DOCK2: variants seen among roughly 807,000 people sequenced by gnomAD.
DOCK2 encodes the protein dedicator of cytokinesis protein 2.
In DOCK2, 87 loss-of-function variants were observed where a neutral mutation model predicts 248.9. The observed-to-expected ratio is 0.35, with a 90% CI of 0.29 to 0.42. The LOEUF (loss-of-function observed/expected upper bound fraction) is 0.42. DOCK2 is among the 10% of genes least tolerant of loss of function. The pLI is 1.00. For synonymous variants in DOCK2, 805 were observed against 821.6 expected, an observed-to-expected ratio of 0.98 and a Z score of 0.35; for missense variants, 1,747 against 2,300.2, an observed-to-expected ratio of 0.76 and a Z score of 4.92.
chr5:169,717,311 A>G (rs1421188901), intron 20 of DOCK2, 73 bp from the exon 21 acceptor site: 1 of 1,250,924 alleles, frequency 8.0e-7, no homozygotes, highest in Non-Finnish European at 1.2e-6. Context: ...ATGGGGGTTG[A>G]ATTATGCCAG....
At chr5:169,872,606 G>C (rs1772053482) in intron 27 of DOCK2, among the ~76,000 whole-genome samples, 1 of 152,186 alleles carries the variant, frequency 6.6e-6, no homozygotes, top group South Asian at 2.1e-4. Context: ...TCTGCTGATA[G>C]CTATATCTGA....
chr5:170,021,278 G>A (rs1755716472), intron 33 of DOCK2, among the ~76,000 whole-genome samples: 2 of 152,184 alleles, frequency 1.3e-5, no homozygotes, highest in East Asian at 1.9e-4. Context: ...TTAAGTGGGA[G>A]CAAGGTCTGT....
intron 22 of DOCK2, among the ~76,000 whole-genome samples, chr5:169,719,800 T>C (rs575663718): frequency 6.6e-6 from 1 of 152,198 alleles, no homozygotes; most frequent in Non-Finnish European, 1.5e-5. Context: ...GTTGTGGTCA[T>C]GTGTGCATTA....
chr5:169,933,256 C>T (rs1264211491), intron 27 of DOCK2, among the ~76,000 whole-genome samples: 1 of 152,246 alleles, frequency 6.6e-6, no homozygotes, highest in East Asian at 1.9e-4. Flanking sequence ...ACTTGGAGTG[C>T]ATCAGGTTAG....
chr5:169,807,805 G>T (rs1178048366), intron 26 of DOCK2, among the ~76,000 whole-genome samples: 1 of 112,242 alleles, frequency 8.9e-6, no homozygotes, highest in Non-Finnish European at 1.7e-5. Flanking sequence ...CTGCAATCCA[G>T]CCTGGGAGAC....
At chr5:169,846,645 C>CATATATACACACACATATAT in intron 27 of DOCK2, among the ~76,000 whole-genome samples, 1 of 151,288 alleles carries the variant, frequency 6.6e-6, no homozygotes, top group Non-Finnish European at 1.5e-5. Flanking sequence ...CATATATGTA[C>CATATATACACACACATATAT]ATATATACAC....
chr5:169,716,026 C>T (rs1398692280), intron 19 of DOCK2, among the ~76,000 whole-genome samples, 187 bp from the exon 20 acceptor site: 3 of 152,206 alleles, frequency 2.0e-5, no homozygotes, highest in African/African-American at 7.2e-5. Context: ...ATCCATTCTG[C>T]TGTTGATGGG....
At chr5:170,000,996 A>AG (rs965478472) in intron 30 of DOCK2, among the ~76,000 whole-genome samples, 1 of 152,156 alleles carries the variant, frequency 6.6e-6, no homozygotes, top group Non-Finnish European at 1.5e-5. Flanking sequence ...GCGCCACCAC[A>AG]GGGGGACTCA....
At chr5:169,948,077 A>G (rs969048434) in intron 27 of DOCK2, among the ~76,000 whole-genome samples, 6 of 152,060 alleles carry the variant, frequency 3.9e-5, no homozygotes, top group Non-Finnish European at 8.8e-5. Context: ...AGGCACCGAG[A>G]GAAGAGCCAG....
rs537177070 is a variant in DOCK2 at position 169,981,508 on chromosome 5, A to G, written c.2800-1560A>G. 9.9e-5 allele frequency among the ~76,000 whole-genome samples: 15 copies of G among 152,166 alleles called. No individual in the cohort carries two copies. In the South Asian group the frequency reaches 2.3e-3, roughly 23 times the overall value. On this transcript the variant is annotated intron_variant, in intron 27 of 51. Transcript: ENST00000520908. ...TTCGGAAATCCAAGCAATATTTCAGATTTTTTTCATTATTATTATACCTGT... is the reference window on the plus strand; with the variant it reads ...TTCGGAAATCCAAGCAATATTTCAGGTTTTTTTCATTATTATTATACCTGT...
intron 3 of DOCK2, among the ~76,000 whole-genome samples, chr5:169,669,647 T>G (rs1758932721): frequency 6.6e-6 from 1 of 152,064 alleles, no homozygotes; most frequent in Admixed American, 6.5e-5. Context: ...TCTACTGCCT[T>G]CCTTTAGAGT....
chr5:169,879,546 G>T (rs1205920421), intron 27 of DOCK2, among the ~76,000 whole-genome samples: 1 of 152,194 alleles, frequency 6.6e-6, no homozygotes, highest in Non-Finnish European at 1.5e-5. Flanking sequence ...TACAATTGCT[G>T]TTCTTCTGGA....
chr5:169,755,251 C>A (rs2113717271), intron 23 of DOCK2, among the ~76,000 whole-genome samples: 1 of 151,952 alleles, frequency 6.6e-6, no homozygotes, highest in African/African-American at 2.4e-5. Context: ...GCCATGATTC[C>A]CACTTAAAAA....
At chr5:169,998,986 G>A (rs1487418379) in intron 30 of DOCK2, among the ~76,000 whole-genome samples, 3 of 152,196 alleles carry the variant, frequency 2.0e-5, no homozygotes, top group African/African-American at 4.8e-5. Context: ...AGGGGCCAGA[G>A]GTGACAGGGT....
rs778259254 is a variant in DOCK2, at chr5:170,077,817, C to T, written c.4974C>T (p.Pro1658=). The T allele has an allele frequency of 3.1e-6, 5 of 1,613,566 alleles. No homozygotes were observed. The highest frequency in any genetic ancestry group is 1.7e-5 in the Admixed American group (1 of 60,024). Residue 1658 remains proline (P), a synonymous_variant, in exon 48 of 52, where the codon CCC becomes CCT. Coordinates refer to ENST00000520908, the MANE Select transcript of DOCK2 (RefSeq NM_004946.3). ...LASMNSDCST[P]SKPTSESFDL... Reference sequence around the variant, plus strand: ...CCATGAATTCTGACTGCAGCACCCCCAGCAAGCCTACCTCAGAGAGGTCAG... The same window carrying T: ...CCATGAATTCTGACTGCAGCACCCCTAGCAAGCCTACCTCAGAGAGGTCAG...
intron 6 of DOCK2, among the ~76,000 whole-genome samples, 195 bp from the exon 7 acceptor site, chr5:169,681,549 T>A (rs1027763922): frequency 3.9e-5 from 6 of 152,118 alleles, no homozygotes; most frequent in Non-Finnish European, 8.8e-5. Flanking sequence ...GAATGCACAC[T>A]ACTACAGTAC....
chr5:169,815,138 C>T (rs1046933865), intron 26 of DOCK2, among the ~76,000 whole-genome samples: 15 of 152,158 alleles, frequency 9.9e-5, no homozygotes, highest in African/African-American at 3.6e-4. Flanking sequence ...GTGGTAAGTC[C>T]TAGGCCAGGG....
intron 26 of DOCK2, among the ~76,000 whole-genome samples, chr5:169,810,487 G>T (rs1235497726): frequency 6.6e-6 from 1 of 152,192 alleles, no homozygotes; most frequent in Non-Finnish European, 1.5e-5. Context: ...AGCTCTCTTG[G>T]GCGCAGCAAA....
chr5:169,926,634 C>T (rs1177428443), intron 27 of DOCK2, among the ~76,000 whole-genome samples: 2 of 152,196 alleles, frequency 1.3e-5, no homozygotes, highest in Non-Finnish European at 2.9e-5. Context: ...CATTAGAATG[C>T]ATTATGCCAT....
Sources: gnomAD v4.1 joint callset for allele counts (sites outside exome capture counted in the v4.1 genomes callset) on GRCh38, gnomAD v4.1.1 for gene constraint, MANE v1.5 for transcripts, NCBI Gene and HGNC (gene_info 2026-07-23, HGNC 2026-07-21) for gene names.